TP53BP1: variants seen among roughly 807,000 people sequenced by gnomAD.
The protein encoded by TP53BP1 is tumor protein p53 binding protein 1, also known as TP53-binding protein 1.
A neutral mutation model predicts 200.8 loss-of-function variants in TP53BP1; 61 were observed. That is an observed-to-expected ratio of 0.30 (90% CI 0.25 to 0.38). TP53BP1 has a LOEUF of 0.38. Ranked by LOEUF, TP53BP1 falls within the 10% of genes least tolerant of loss-of-function variation. The pLI is 1.00. For synonymous variants in TP53BP1, 822 were observed against 844.3 expected, an observed-to-expected ratio of 0.97 and a Z score of 0.46; for missense variants, 2,144 against 2,371.9, an observed-to-expected ratio of 0.90 and a Z score of 2.00.
At chr15:43,449,661 C>G (rs1278391522) in intron 12 of TP53BP1, among the ~76,000 whole-genome samples, 2 of 152,254 alleles carry the variant, frequency 1.3e-5, no homozygotes, top group East Asian at 3.9e-4. Context: ...CTTCCTCTGC[C>G]TAAAGTCTCC....
intron 24 of TP53BP1, chr15:43,412,886 C>A (rs2045158998): frequency 3.4e-6 from 2 of 590,590 alleles, no homozygotes; most frequent in South Asian, 3.6e-5. Context: ...TAAGATCTAT[C>A]TCCCATCTGC....
Position 43,462,476 on chromosome 15 carries a change from A to AT in TP53BP1, c.1390-5259dup, listed in dbSNP as rs984025796. ...AGGCACACGTCACCACATCCGGCTAATTTTTTTTTTCTTTTGGTGGGTAGA... is the reference window on the plus strand; with the variant it reads ...AGGCACACGTCACCACATCCGGCTAATTTTTTTTTTTCTTTTGGTGGGTAGA... On this transcript the variant is annotated intron_variant, in intron 11 of 27. Coordinates refer to ENST00000382044, the MANE Select transcript of TP53BP1 (RefSeq NM_001141980.3). Among the ~76,000 whole-genome samples the AT allele has an allele frequency of 1.2e-4, 18 of 149,722 alleles. No individual in the cohort carries two copies. In the East Asian group the frequency reaches 1.6e-3, roughly 13 times the overall value.
intron 11 of TP53BP1, among the ~76,000 whole-genome samples, chr15:43,459,537 C>T (rs557171503): frequency 1.3e-5 from 2 of 151,906 alleles, no homozygotes; most frequent in African/African-American, 4.8e-5. Flanking sequence ...GAACACTATC[C>T]AACAATATAA....
chr15:43,416,475 TCA>T, intron 21 of TP53BP1, 59 bp from the exon 22 acceptor site: 1 of 1,520,854 alleles, frequency 6.6e-7, no homozygotes, highest in East Asian at 2.3e-5. Context: ...TAGCACCCTC[TCA>T]CAAGGGCTCT....
chr15:43,482,509 C>T (rs1178026395), intron 4 of TP53BP1, among the ~76,000 whole-genome samples: 2 of 152,188 alleles, frequency 1.3e-5, no homozygotes, highest in African/African-American at 4.8e-5. Context: ...TGGCTCATGC[C>T]TGTAATCCCA....
Position 43,484,731 on chromosome 15 carries a change from G to A in TP53BP1, c.372-3709C>T, listed in dbSNP as rs548000410. Among the ~76,000 whole-genome samples the A allele has an allele frequency of 6.6e-5, 10 of 150,580 alleles. No individual in the cohort carries two copies. In the East Asian group the frequency reaches 2.0e-3, roughly 29 times the overall value. On this transcript the variant is annotated intron_variant, in intron 4 of 27. Transcript: ENST00000382044. Reference sequence around the variant, plus strand: ...TGGATTACACTTATCCCAGATAACAGCAAATACACACTTACTTGTTTTTTG... The same window carrying A: ...TGGATTACACTTATCCCAGATAACAACAAATACACACTTACTTGTTTTTTG...
chr15:43,427,544 G>T (rs2045570128), intron 18 of TP53BP1, among the ~76,000 whole-genome samples: 1 of 152,194 alleles, frequency 6.6e-6, no homozygotes, highest in African/African-American at 2.4e-5. Context: ...GCTTTAGAAA[G>T]CAGGAAGTCT....
chr15:43,479,558 T>TA (rs1388470309), intron 6 of TP53BP1, 32 bp from the exon 7 acceptor site: 1 of 1,591,112 alleles, frequency 6.3e-7, no homozygotes, highest in African/African-American at 1.4e-5. Context: ...AGGAAGGAGA[T>TA]AATTAAGTTT....
chr15:43,441,562 T>C lies in TP53BP1; in HGVS notation c.3062A>G (p.Lys1021Arg). ...NLEKPATGER[K>R]NGSTAVAESV... Reference sequence around the variant, plus strand: ...CTCAGCAACAGCAGTAGATCCATTTTTTCTTTCACCAGTTGCAGGCTCTGA... The same window carrying C: ...CTCAGCAACAGCAGTAGATCCATTTCTTCTTTCACCAGTTGCAGGCTCTGA... Residue 1021 changes from lysine (K) to arginine (R), a missense_variant, in exon 15 of 28, where the codon AAA (lysine) becomes AGA (arginine). Physicochemically the swap from Lys to Arg is conservative, Grantham distance 26 (BLOSUM62 2). Around this residue, in one of 4 missense-constraint regions of TP53BP1, gnomAD observed 1,700 missense variants for 1,710.3 expected, o/e 0.99. Coordinates refer to ENST00000382044, the MANE Select transcript of TP53BP1 (RefSeq NM_001141980.3). 1 of 1,613,586 alleles carries C rather than the reference T, an allele frequency of 6.2e-7. No homozygotes were observed. Among genetic ancestry groups the C allele is most frequent in the South Asian group, 1.1e-5 (1 of 91,072 alleles).
At chr15:43,437,662 TA>T (rs1352986457) in intron 16 of TP53BP1, among the ~76,000 whole-genome samples, 2 of 152,152 alleles carry the variant, frequency 1.3e-5, no homozygotes, top group Non-Finnish European at 2.9e-5. Flanking sequence ...TTCAAATTGA[TA>T]CAACTGGCAG....
chr15:43,439,712 T>C (rs1307535027), intron 15 of TP53BP1, among the ~76,000 whole-genome samples: 8 of 152,188 alleles, frequency 5.3e-5, no homozygotes, highest in Non-Finnish European at 7.3e-5. Flanking sequence ...ATCAAAAATT[T>C]CATCTCATTC....
At position 43,432,672 on chromosome 15, in the gene TP53BP1, T is replaced by C. The variant is rs146623193; in HGVS notation, c.3197A>G (p.Asn1066Ser). 50 of 1,600,294 alleles carry C rather than the reference T, an allele frequency of 3.1e-5. No individual in the cohort carries two copies. The highest frequency in any genetic ancestry group is 1.3e-4 in the East Asian group (6 of 44,616). The change falls in exon 17 of 28, where the codon AAC (asparagine) becomes AGC (serine). Residue 1066 changes from asparagine to serine, a missense_variant. Transcript: ENST00000382044. ...TTGAGAACTTGGAAAGTGGAGCAAG[T>C]TCCCCCTGAAAATGCAACATATAAA... is the stretch of plus-strand genomic sequence containing the variant. Reference protein sequence around the residue: ...EDPPTTPIRGNLLHFPSSQGE... With the variant: ...EDPPTTPIRGSLLHFPSSQGE...
chr15:43,506,075 C>T (rs1036007792), intron 1 of TP53BP1, among the ~76,000 whole-genome samples: 3 of 152,184 alleles, frequency 2.0e-5, no homozygotes, highest in Admixed American at 6.5e-5. Flanking sequence ...TAATGACATT[C>T]ATCAGGCTAG....
chr15:43,420,854 T>A, intron 20 of TP53BP1, 119 bp from the exon 21 acceptor site: 2 of 1,283,406 alleles, frequency 1.6e-6, no homozygotes, highest in Non-Finnish European at 1.1e-6. Flanking sequence ...AAAAACCCCA[T>A]CACAGGCATG....
At chr15:43,487,047 A>T (rs1326455904) in intron 4 of TP53BP1, among the ~76,000 whole-genome samples, 1 of 152,242 alleles carries the variant, frequency 6.6e-6, no homozygotes, top group Admixed American at 6.5e-5. Flanking sequence ...ATAGAGTGGG[A>T]GAAAATATTT....
At chr15:43,509,923 CCATA>C (rs1387103369) in intron 1 of TP53BP1, among the ~76,000 whole-genome samples, 1 of 152,118 alleles carries the variant, frequency 6.6e-6, no homozygotes, top group African/African-American at 2.4e-5. Flanking sequence ...ATAGGCGCTC[CCATA>C]CATACATGTA....
chr15:43,479,347 T>C (rs760788187), intron 7 of TP53BP1, 50 bp downstream of exon 7: 2 of 1,541,472 alleles, frequency 1.3e-6, no homozygotes, highest in East Asian at 2.3e-5. Context: ...ATGACATTAG[T>C]ATAACCCTAC....
Position 43,403,899 on chromosome 15 carries a change from T to A in TP53BP1, c.*3484A>T. 2.4e-6 allele frequency: 2 copies of A among 817,484 alleles called. No individual in the cohort carries two copies. Among genetic ancestry groups the A allele is most frequent in the Admixed American group, 1.9e-5 (1 of 53,734 alleles). The allele number at this position is 817,484 out of a possible 1,614,324, so 50.6% of individuals were successfully genotyped here. The stretch of plus-strand genomic sequence containing the variant: ...TCCTCTGAGTCAGTAAAGCATTTCC[T>A]CAATACACACACGTACAGAGATAAG... On this transcript the variant is annotated 3_prime_UTR_variant, in exon 28 of 28. Transcript: ENST00000382044.
chr15:43,422,692 T>C (rs192918112), intron 18 of TP53BP1, among the ~76,000 whole-genome samples: 1 of 152,270 alleles, frequency 6.6e-6, no homozygotes, highest in East Asian at 1.9e-4. Context: ...GAAAAGTATA[T>C]GCAAAAATAG....
Sources: gnomAD v4.1 joint callset for allele counts (sites outside exome capture counted in the v4.1 genomes callset) on GRCh38, gnomAD v4.1.1 for gene constraint, gnomAD v4.1.1 regional missense constraint, MANE v1.5 for transcripts, NCBI Gene and HGNC (gene_info 2026-07-23, HGNC 2026-07-21) for gene names.